CMSS1: variants seen among roughly 807,000 people sequenced by gnomAD.
CMSS1 encodes the protein cms1 ribosomal small subunit homolog.
In CMSS1, 33 loss-of-function variants were observed where a neutral mutation model predicts 43.5. The observed-to-expected ratio is 0.76, with a 90% CI of 0.57 to 1.01. The LOEUF (loss-of-function observed/expected upper bound fraction) is 1.01. Ranked by LOEUF, CMSS1 falls within the 50% of genes least tolerant of loss-of-function variation. The probability of loss-of-function intolerance (pLI) is 0.00; values close to 1 mark genes in which losing one functional copy is unlikely to be tolerated. For missense variants in CMSS1, 313 were observed against 326.4 expected (o/e 0.96, Z 0.32); for synonymous variants, 115 against 117.2 (o/e 0.98, Z 0.12).
intron 1 of CMSS1, among the ~76,000 whole-genome samples, chr3:99,826,703 T>C (rs1278066300): frequency 6.6e-6 from 1 of 152,226 alleles, no homozygotes; most frequent in African/African-American, 2.4e-5. Context: ...ACTCCGTTAC[T>C]TAGTAGTTAT....
chr3:100,118,765 A>G (rs1326040673), intron 1 of CMSS1, among the ~76,000 whole-genome samples: 2 of 152,154 alleles, frequency 1.3e-5, no homozygotes, highest in African/African-American at 4.8e-5. Flanking sequence ...AGCATCTACC[A>G]AAAATAGGTA....
chr3:99,889,565 G>A (rs982357310), intron 1 of CMSS1, among the ~76,000 whole-genome samples: 1 of 151,830 alleles, frequency 6.6e-6, no homozygotes, highest in Non-Finnish European at 1.5e-5. Flanking sequence ...GGATCATTTT[G>A]TCTATGTTTA....
chr3:99,930,848 C>T (rs770821604), intron 1 of CMSS1: 1 of 1,613,042 alleles, frequency 6.2e-7, no homozygotes, highest in Non-Finnish European at 8.5e-7. Context: ...GCCATTACCA[C>T]TGTGTGGCTT....
chr3:100,091,631 TTCCCACATAA>T (rs1419900060), intron 1 of CMSS1, among the ~76,000 whole-genome samples: 7 of 152,228 alleles, frequency 4.6e-5, no homozygotes, highest in Non-Finnish European at 1.0e-4. Flanking sequence ...GCTTCTCAAT[TTCCCACATAA>T]TCTTTTTATC....
chr3:99,927,621 G>T (rs1198464387), intron 1 of CMSS1, among the ~76,000 whole-genome samples: 1 of 151,862 alleles, frequency 6.6e-6, no homozygotes, highest in South Asian at 2.1e-4. Context: ...TGCCTGCCTC[G>T]GCCTCCCAAA....
At chr3:100,090,235 T>C (rs1217131847) in intron 1 of CMSS1, among the ~76,000 whole-genome samples, 2 of 152,332 alleles carry the variant, frequency 1.3e-5, no homozygotes, top group East Asian at 3.9e-4. Flanking sequence ...TGCAGCTGTT[T>C]GCTATTGTTT....
intron 1 of CMSS1, among the ~76,000 whole-genome samples, chr3:99,984,131 A>G (rs1709261874): frequency 1.3e-5 from 2 of 151,878 alleles, no homozygotes; most frequent in African/African-American, 2.4e-5. Context: ...TAATTGATCC[A>G]TAGTTCTGGA....
intron 1 of CMSS1, among the ~76,000 whole-genome samples, chr3:100,089,601 G>A (rs4928153): frequency 0.56 from 85,328 of 151,938 alleles, 24,381 homozygotes; most frequent in East Asian, 0.72. Flanking sequence ...CTAGAACTAA[G>A]CATTTCCCAT....
chr3:100,163,904 CA>C (rs1472057382), intron 4 of CMSS1, among the ~76,000 whole-genome samples: 1 of 151,354 alleles, frequency 6.6e-6, no homozygotes, highest in Non-Finnish European at 1.5e-5. Context: ...TTCCGTTTTC[CA>C]TTACAACTTT....
Position 100,156,701 on chromosome 3 carries a change from C to T in CMSS1, c.154-3729C>T, listed in dbSNP as rs529317396. The stretch of plus-strand genomic sequence containing the variant: ...CACGATCTTGGCTCACTGCAAGCTC[C>T]GCTTCCCGGGTTCACTCCATTCTCC... On this transcript the variant is annotated intron_variant, in intron 2 of 9. Transcript: ENST00000421999. Among the ~76,000 whole-genome samples the T allele has an allele frequency of 4.6e-5, 7 of 151,330 alleles. No homozygotes were observed. In the South Asian group the frequency reaches 1.0e-3, roughly 23 times the overall value.
At chr3:99,833,295 G>A in intron 1 of CMSS1, 1 of 1,573,128 alleles carries the variant, frequency 6.4e-7, no homozygotes, top group Non-Finnish European at 8.7e-7. Context: ...GAGTAAATTT[G>A]TGGAATATAT....
intron 1 of CMSS1, among the ~76,000 whole-genome samples, chr3:99,928,699 G>A (rs941678456): frequency 1.3e-5 from 2 of 152,244 alleles, no homozygotes; most frequent in East Asian, 3.9e-4. Context: ...TTTTGTTAGG[G>A]TTATGTTCAG....
At chr3:99,980,467 A>G (rs1709089915) in intron 1 of CMSS1, among the ~76,000 whole-genome samples, 1 of 152,184 alleles carries the variant, frequency 6.6e-6, no homozygotes, top group East Asian at 1.9e-4. Context: ...GCACATTTTT[A>G]TTTCCACAGA....
chr3:100,088,412 A>C (rs542563108), intron 1 of CMSS1, among the ~76,000 whole-genome samples: 1 of 152,376 alleles, frequency 6.6e-6, no homozygotes, highest in South Asian at 2.1e-4. Context: ...GTCAGAGGAA[A>C]TATATGAAGA....
At chr3:99,876,320 T>A in intron 1 of CMSS1, 2 of 521,876 alleles carry the variant, frequency 3.8e-6, no homozygotes, top group Non-Finnish European at 4.9e-6. Flanking sequence ...ACACCCCAGC[T>A]CCCGCGGATG....
intron 1 of CMSS1, chr3:99,830,667 G>A (rs954095583): frequency 4.5e-6 from 2 of 445,538 alleles, no homozygotes; most frequent in African/African-American, 2.0e-5. Flanking sequence ...AGTAGAAATT[G>A]TTTAGGACAT....
At chr3:99,853,324 C>G (rs1943798170) in intron 1 of CMSS1, among the ~76,000 whole-genome samples, 1 of 152,210 alleles carries the variant, frequency 6.6e-6, no homozygotes, top group Non-Finnish European at 1.5e-5. Context: ...CACCACAGTT[C>G]TTACAGTTTT....
intron 1 of CMSS1, among the ~76,000 whole-genome samples, chr3:99,905,939 T>A (rs571283138): frequency 6.6e-6 from 1 of 152,330 alleles, no homozygotes; most frequent in African/African-American, 2.4e-5. Flanking sequence ...ATGCTTGTAG[T>A]CCCAGCAGTT....
intron 4 of CMSS1, among the ~76,000 whole-genome samples, chr3:100,163,959 T>G (rs192081092): frequency 1.3e-5 from 2 of 152,362 alleles, no homozygotes; most frequent in East Asian, 3.9e-4. Flanking sequence ...ATCTGTTCCC[T>G]GAATTTTTAT....
Sources: gnomAD v4.1 joint callset for allele counts (sites outside exome capture counted in the v4.1 genomes callset) on GRCh38, gnomAD v4.1.1 for gene constraint, MANE v1.5 for transcripts, NCBI Gene and HGNC (gene_info 2026-07-23, HGNC 2026-07-21) for gene names.